The following ZSWIM6 variants were observed in gnomAD, a reference collection of about 807,000 sequenced individuals.
ZSWIM6 encodes zinc finger SWIM domain-containing protein 6.
A neutral mutation model predicts 113.2 loss-of-function variants in ZSWIM6; 9 were observed. The observed-to-expected ratio is 0.08, with a 90% CI of 0.05 to 0.14. The LOEUF is 0.14. ZSWIM6 is among the 10% of genes least tolerant of loss of function. ZSWIM6 has a pLI of 1.00. For missense variants in ZSWIM6, 1,162 were observed against 1,552.2 expected, an observed-to-expected ratio of 0.75 and a Z score of 4.22; for synonymous variants, 611 against 606.5, an observed-to-expected ratio of 1.01 and a Z score of -0.11.
intron 1 of ZSWIM6, among the ~76,000 whole-genome samples, chr5:61,440,143 A>T (rs751755697): frequency 6.6e-6 from 1 of 152,102 alleles, no homozygotes; most frequent in Non-Finnish European, 1.5e-5. Context: ...GCGAGAGTAT[A>T]TTAAGTATAC....
At chr5:61,365,585 C>A (rs1446313355) in intron 1 of ZSWIM6, among the ~76,000 whole-genome samples, 1 of 152,078 alleles carries the variant, frequency 6.6e-6, no homozygotes, top group Non-Finnish European at 1.5e-5. Flanking sequence ...ATGATCCTTC[C>A]ATTTCACCCT....
At chr5:61,464,273 G>A (rs1461154497) in intron 1 of ZSWIM6, among the ~76,000 whole-genome samples, 2 of 144,716 alleles carry the variant, frequency 1.4e-5, no homozygotes, top group African/African-American at 5.1e-5. Context: ...CACCTGTCTC[G>A]GCCTCCCAAA....
chr5:61,335,991 G>A (rs1041277813), intron 1 of ZSWIM6, among the ~76,000 whole-genome samples: 1 of 152,160 alleles, frequency 6.6e-6, no homozygotes, highest in Non-Finnish European at 1.5e-5. Context: ...TGCCGGGCAC[G>A]GTGGCTCACA....
chr5:61,417,522 T>C (rs540696660), intron 1 of ZSWIM6, among the ~76,000 whole-genome samples: 1 of 152,188 alleles, frequency 6.6e-6, no homozygotes, highest in Non-Finnish European at 1.5e-5. Context: ...AACACAGTAA[T>C]TAGAAAGGCT....
chr5:61,526,300 T>G lies in ZSWIM6; in HGVS notation c.1741T>G (p.Tyr581Asp). 1 of 1,551,948 alleles carries G rather than the reference T, an allele frequency of 6.4e-7. No individual in the cohort carries two copies. Among genetic ancestry groups the G allele is most frequent in the Non-Finnish European group, 8.7e-7 (1 of 1,147,028 alleles). ...AGTGGACGCATTACGTTCTCATGGG[T>G]ACCCCAGAGAAGCACTGAGACTAGC... ...ARVDALRSHGYPREALRLAIA... is the reference protein window; with the variant it reads ...ARVDALRSHGDPREALRLAIA... Residue 581 changes from tyrosine (Y) to aspartate (D), a missense_variant, in exon 7 of 14, where the codon TAC (tyrosine) becomes GAC (aspartate). Transcript: ENST00000252744.
intron 4 of ZSWIM6, among the ~76,000 whole-genome samples, chr5:61,510,004 C>A (rs1748735263): frequency 6.6e-6 from 1 of 151,874 alleles, no homozygotes; most frequent in Non-Finnish European, 1.5e-5. Flanking sequence ...GTGAATTCAA[C>A]ATTTAGCAAG....
At chr5:61,371,075 G>T (rs1186465832) in intron 1 of ZSWIM6, among the ~76,000 whole-genome samples, 1 of 152,108 alleles carries the variant, frequency 6.6e-6, no homozygotes, top group East Asian at 1.9e-4. Context: ...CCCAGGGTGG[G>T]GAATATGTCC....
chr5:61,418,688 G>C (rs993013608), intron 1 of ZSWIM6, among the ~76,000 whole-genome samples: 1 of 152,196 alleles, frequency 6.6e-6, no homozygotes, highest in Non-Finnish European at 1.5e-5. Flanking sequence ...GGTACTTTAA[G>C]GACAGAGACA....
chr5:61,517,627 C>G (rs920401532), intron 4 of ZSWIM6, among the ~76,000 whole-genome samples: 1 of 151,924 alleles, frequency 6.6e-6, no homozygotes, highest in Admixed American at 6.6e-5. Flanking sequence ...TATCTGTTGA[C>G]TGTTTTTTCC....
At chr5:61,467,300 G>A (rs1747456106) in intron 1 of ZSWIM6, among the ~76,000 whole-genome samples, 1 of 152,058 alleles carries the variant, frequency 6.6e-6, no homozygotes, top group Non-Finnish European at 1.5e-5. Context: ...AAAATCTGCA[G>A]TTCTCAAAAC....
intron 2 of ZSWIM6, among the ~76,000 whole-genome samples, chr5:61,473,780 A>G (rs967969409): frequency 3.3e-5 from 5 of 152,186 alleles, no homozygotes; most frequent in African/African-American, 1.2e-4. Context: ...AATATGTTGA[A>G]AAAAGTAATG....
At position 61,494,253 on chromosome 5, in the gene ZSWIM6, C is replaced by T. The variant is rs773547589; in HGVS notation, c.1183-7C>T. 23 of 1,548,972 alleles carry T rather than the reference C, an allele frequency of 1.5e-5. No individual in the cohort carries two copies. The highest frequency in any genetic ancestry group is 1.7e-6 in the Non-Finnish European group (2 of 1,145,366). On this transcript the variant is annotated splice_region_variant and splice_polypyrimidine_tract_variant and intron_variant, in intron 3 of 13. Transcript: ENST00000252744. ...CAATTTTCTAAAGGTCTGTTTTTCC[C>T]CATTAGGTGCGGGAGATGTTAAAGA...
intron 1 of ZSWIM6, among the ~76,000 whole-genome samples, chr5:61,431,926 T>C (rs1385959685): frequency 2.0e-5 from 3 of 152,222 alleles, no homozygotes; most frequent in Non-Finnish European, 2.9e-5. Context: ...TTTTTTCTTT[T>C]TTGGTCTTTC....
rs10559419 is a variant in ZSWIM6 at position 61,338,164 on chromosome 5, G to GT, written c.676+5228dup. ...ATATTCATAACTTAAAGTTTTGTGT[G>GT]TTTTTTTTTTTTGTGGGGGTGGCAA... On this transcript the variant is annotated intron_variant, in intron 1 of 13. Transcript: ENST00000252744. Among the ~76,000 whole-genome samples, 157 of 145,290 alleles carry GT rather than the reference G, an allele frequency of 1.1e-3. 1 individual carries two copies. The highest frequency in any genetic ancestry group is 3.6e-3 in the Middle Eastern group (1 of 278).
intron 4 of ZSWIM6, among the ~76,000 whole-genome samples, chr5:61,496,219 TA>T (rs1418689683): frequency 6.6e-6 from 1 of 152,114 alleles, no homozygotes; most frequent in Admixed American, 6.6e-5. Flanking sequence ...CAGTCCAGCG[TA>T]AAGACCACAA....
At chr5:61,477,763 A>G (rs1241047993) in intron 2 of ZSWIM6, among the ~76,000 whole-genome samples, 1 of 152,206 alleles carries the variant, frequency 6.6e-6, no homozygotes, top group Non-Finnish European at 1.5e-5. Flanking sequence ...TATGAGATTT[A>G]TCAGGCTGAA....
At position 61,365,545 on chromosome 5, in the gene ZSWIM6, T is replaced by C. The variant is rs147198246; in HGVS notation, c.676+32597T>C. On this transcript the variant is annotated intron_variant, in intron 1 of 13. Coordinates refer to ENST00000252744, the MANE Select transcript of ZSWIM6 (RefSeq NM_020928.2). ...TTTGTTTCCGATTTGACAGCTCTTT[T>C]ATTTTTGAGGTATCTCAGATATATT... Among the ~76,000 whole-genome samples the C allele has an allele frequency of 2.8e-4, 42 of 152,304 alleles. 1 individual carries two copies. Among genetic ancestry groups the C allele is most frequent in the African/African-American group, 8.7e-4 (36 of 41,562 alleles).
chr5:61,500,329 C>T (rs6874264), intron 4 of ZSWIM6, among the ~76,000 whole-genome samples: 58,169 of 151,504 alleles, frequency 0.38, 11,310 homozygotes, highest in South Asian at 0.45. Flanking sequence ...GGTTTCACTA[C>T]GTTAACCAGG....
At chr5:61,520,217 T>G (rs1749076336) in intron 4 of ZSWIM6, among the ~76,000 whole-genome samples, 1 of 152,216 alleles carries the variant, frequency 6.6e-6, no homozygotes, top group South Asian at 2.1e-4. Flanking sequence ...CCTACCATTA[T>G]TATGCATTTA....
Sources: gnomAD v4.1 joint callset for allele counts (sites outside exome capture counted in the v4.1 genomes callset) on GRCh38, gnomAD v4.1.1 for gene constraint, MANE v1.5 for transcripts, NCBI Gene and HGNC (gene_info 2026-07-23, HGNC 2026-07-21) for gene names.